Variants in GADL1 observed in about 807,000 individuals in gnomAD.
The protein encoded by GADL1 is acidic amino acid decarboxylase GADL1.
A neutral mutation model predicts 69.5 loss-of-function variants in GADL1; 71 were observed. The ratio of observed to expected loss-of-function variants is 1.02; its 90% CI spans 0.84 to 1.25. The LOEUF is 1.25. Ranked by LOEUF, GADL1 falls within the 50% of genes most tolerant of loss-of-function variation. The pLI is 0.00. For missense variants in GADL1, 737 were observed against 631.8 expected, an observed-to-expected ratio of 1.17 and a Z score of -1.79; for synonymous variants, 254 against 214.4, an observed-to-expected ratio of 1.18 and a Z score of -1.62.
chr3:30,825,201 A>AT (rs1189259663), intron 11 of GADL1, among the ~76,000 whole-genome samples: 7 of 151,720 alleles, frequency 4.6e-5, no homozygotes, highest in Non-Finnish European at 7.4e-5. Context: ...ATTTTCTGAT[A>AT]TTTTTTCTGT....
chr3:30,869,196 T>C (rs990482089), intron 1 of GADL1, among the ~76,000 whole-genome samples: 2 of 151,782 alleles, frequency 1.3e-5, no homozygotes, highest in Non-Finnish European at 1.5e-5. Context: ...TCTGGAGGTT[T>C]CTAAGTCAGG....
chr3:30,836,554 A>G (rs1332105365), intron 9 of GADL1, among the ~76,000 whole-genome samples: 1 of 152,042 alleles, frequency 6.6e-6, no homozygotes, highest in Admixed American at 6.6e-5. Flanking sequence ...AGCTATTACT[A>G]TATGTGAGGC....
chr3:30,769,884 C>T (rs544525440), intron 14 of GADL1, among the ~76,000 whole-genome samples: 1 of 59,192 alleles, frequency 1.7e-5, no homozygotes, highest in Non-Finnish European at 3.0e-5. Context: ...GACAAACTCT[C>T]ATCTCAAGGA....
chr3:30,797,209 T>C (rs1460413527), intron 12 of GADL1, among the ~76,000 whole-genome samples: 1 of 152,150 alleles, frequency 6.6e-6, no homozygotes, highest in Admixed American at 6.6e-5. Context: ...GCGAGTAGAC[T>C]CAAACACCCC....
intron 13 of GADL1, among the ~76,000 whole-genome samples, chr3:30,783,196 C>T (rs886872822): frequency 1.3e-5 from 2 of 152,110 alleles, no homozygotes; most frequent in African/African-American, 4.8e-5. Flanking sequence ...ATAACTCCTC[C>T]TAGTGTAGAC....
intron 14 of GADL1, among the ~76,000 whole-genome samples, chr3:30,733,611 T>C (rs958010006): frequency 2.7e-5 from 4 of 150,764 alleles, no homozygotes; most frequent in Admixed American, 1.3e-4. Context: ...CTTCCTTCCT[T>C]CCTTCCTTCC....
intron 14 of GADL1, among the ~76,000 whole-genome samples, chr3:30,769,774 A>AC (rs1696375307): frequency 6.6e-6 from 1 of 152,206 alleles, no homozygotes; most frequent in Non-Finnish European, 1.5e-5. Context: ...ATCTGACAGT[A>AC]TGAGACCGTT....
At chr3:30,814,320 A>G (rs761890926) in intron 11 of GADL1, among the ~76,000 whole-genome samples, 4 of 152,192 alleles carry the variant, frequency 2.6e-5, no homozygotes, top group Non-Finnish European at 4.4e-5. Flanking sequence ...AGTTCAAACT[A>G]TAGCCTTAAA....
At chr3:30,781,542 T>C (rs191868114) in intron 13 of GADL1, among the ~76,000 whole-genome samples, 2 of 152,342 alleles carry the variant, frequency 1.3e-5, no homozygotes, top group East Asian at 3.9e-4. Context: ...TGGTGAATTT[T>C]AATTGACTTC....
chr3:30,762,011 G>A (rs1207189055), intron 14 of GADL1, among the ~76,000 whole-genome samples: 1 of 152,202 alleles, frequency 6.6e-6, no homozygotes, highest in Non-Finnish European at 1.5e-5. Context: ...GAGACAGTGA[G>A]TACAGGTCTT....
chr3:30,763,957 A>AT, intron 14 of GADL1, among the ~76,000 whole-genome samples: 1 of 152,288 alleles, frequency 6.6e-6, no homozygotes, highest in Middle Eastern at 3.4e-3. Flanking sequence ...AAATCTTCCC[A>AT]TTGACTTTTT....
At chr3:30,889,115 A>AAAAAAAAAAT (rs1698750160) in intron 1 of GADL1, among the ~76,000 whole-genome samples, 1 of 143,408 alleles carries the variant, frequency 7.0e-6, no homozygotes, top group Non-Finnish European at 1.5e-5. Flanking sequence ...AAAAAAAAAA[A>AAAAAAAAAAT]GAGGATTAAT....
chr3:30,766,179 G>C (rs1447158128), intron 14 of GADL1, among the ~76,000 whole-genome samples: 1 of 152,158 alleles, frequency 6.6e-6, no homozygotes. Context: ...GCCTCCAGGA[G>C]GAAATTGAAC....
intron 14 of GADL1, among the ~76,000 whole-genome samples, chr3:30,773,129 T>C (rs979383806): frequency 2.0e-5 from 3 of 152,172 alleles, no homozygotes; most frequent in Non-Finnish European, 4.4e-5. Flanking sequence ...CTTAGAGTGG[T>C]ACAATAAGAA....
chr3:30,773,263 C>T (rs1034713432), intron 14 of GADL1, among the ~76,000 whole-genome samples: 5 of 151,946 alleles, frequency 3.3e-5, no homozygotes, highest in South Asian at 2.1e-4. Context: ...TAAAAACGTA[C>T]CATATTGGGA....
chr3:30,814,830 G>T (rs974973250), intron 11 of GADL1, among the ~76,000 whole-genome samples: 9 of 152,070 alleles, frequency 5.9e-5, no homozygotes, highest in Non-Finnish European at 1.2e-4. Flanking sequence ...TGGGCATGGT[G>T]GTGGGCACCT....
intron 11 of GADL1, among the ~76,000 whole-genome samples, chr3:30,816,580 T>C (rs1160650739): frequency 7.7e-6 from 1 of 130,180 alleles, no homozygotes; most frequent in Non-Finnish European, 1.6e-5. Context: ...ACAGTCTTGC[T>C]CTGTCACCAG....
At chr3:30,756,630 C>T (rs116696464) in intron 14 of GADL1, among the ~76,000 whole-genome samples, 3,049 of 152,146 alleles carry the variant, frequency 0.02, 99 homozygotes, top group African/African-American at 0.064. Flanking sequence ...TTTGCAAATA[C>T]ATTTGCTCTC....
At chr3:30,784,715 C>G (rs1032573377) in intron 13 of GADL1, among the ~76,000 whole-genome samples, 2 of 152,102 alleles carry the variant, frequency 1.3e-5, no homozygotes, top group Non-Finnish European at 2.9e-5. Flanking sequence ...TTCAACATTC[C>G]TCTCTTCTCA....
Sources: allele counts gnomAD v4.1 joint callset (sites outside exome capture counted in the v4.1 genomes callset), GRCh38; gene constraint gnomAD v4.1.1; transcripts MANE v1.5; gene names NCBI Gene and HGNC (gene_info 2026-07-23, HGNC 2026-07-21).